AUH: variants seen among roughly 807,000 people sequenced by gnomAD.
AUH encodes methylglutaconyl-CoA hydratase, mitochondrial.
A neutral mutation model predicts 42.3 loss-of-function variants in AUH; 29 were observed. The observed-to-expected ratio is 0.69, with a 90% CI of 0.51 to 0.93. The LOEUF (loss-of-function observed/expected upper bound fraction) is 0.93. Ranked by LOEUF, AUH falls within the 40% of genes least tolerant of loss-of-function variation. The pLI, the probability that AUH is intolerant of heterozygous loss-of-function variation, is 0.00. For synonymous variants in AUH, 174 were observed against 166.4 expected (o/e 1.05, Z -0.35); for missense variants, 452 against 438.1 (o/e 1.03, Z -0.28).
At chr9:91,253,923 G>A (rs1417935291) in intron 6 of AUH, among the ~76,000 whole-genome samples, 1 of 152,186 alleles carries the variant, frequency 6.6e-6, no homozygotes, top group Non-Finnish European at 1.5e-5. Flanking sequence ...CTATAAATAT[G>A]TTGTGAAAAA....
At chr9:91,244,952 A>AGTG (rs1828714868) in intron 6 of AUH, among the ~76,000 whole-genome samples, 1 of 152,252 alleles carries the variant, frequency 6.6e-6, no homozygotes, top group Non-Finnish European at 1.5e-5. Flanking sequence ...CTGAAAACAA[A>AGTG]ATATGCATTG....
chr9:91,358,273 G>A (rs1331362950), intron 1 of AUH, among the ~76,000 whole-genome samples: 1 of 152,164 alleles, frequency 6.6e-6, no homozygotes, highest in African/African-American at 2.4e-5. Flanking sequence ...GGGTGGAGGG[G>A]AGTAAAGCTC....
At chr9:91,244,317 CA>C (rs1234247254) in intron 6 of AUH, among the ~76,000 whole-genome samples, 5 of 152,198 alleles carry the variant, frequency 3.3e-5, no homozygotes, top group Admixed American at 3.3e-4. Flanking sequence ...GTTAAAATAA[CA>C]TTGGCCAAAG....
intron 4 of AUH, among the ~76,000 whole-genome samples, chr9:91,318,279 T>C (rs1375406026): frequency 6.6e-6 from 1 of 152,238 alleles, no homozygotes; most frequent in Non-Finnish European, 1.5e-5. Flanking sequence ...TCAGTGATTA[T>C]ATGACTGTAA....
At chr9:91,219,847 AT>A (rs1345711015) in intron 7 of AUH, among the ~76,000 whole-genome samples, 2 of 152,364 alleles carry the variant, frequency 1.3e-5, no homozygotes, top group African/African-American at 4.8e-5. Context: ...GCATTCATGC[AT>A]TTTTAAAAAG....
At chr9:91,227,127 G>C in intron 6 of AUH, among the ~76,000 whole-genome samples, 1 of 150,328 alleles carries the variant, frequency 6.7e-6, no homozygotes, top group South Asian at 2.1e-4. Context: ...CATTGAATCT[G>C]TAAATTACCT....
At chr9:91,357,981 A>C (rs192256270) in intron 1 of AUH, among the ~76,000 whole-genome samples, 15 of 152,336 alleles carry the variant, frequency 9.8e-5, no homozygotes, top group Middle Eastern at 3.4e-3. Flanking sequence ...TAGTTTCTAT[A>C]CTTGGAGATC....
intron 3 of AUH, among the ~76,000 whole-genome samples, chr9:91,336,224 C>T (rs1167909008): frequency 6.6e-6 from 1 of 152,126 alleles, no homozygotes; most frequent in Non-Finnish European, 1.5e-5. Flanking sequence ...TATATACACA[C>T]ACATACATAC....
intron 3 of AUH, among the ~76,000 whole-genome samples, chr9:91,332,949 G>GCT (rs1564110439): frequency 6.8e-6 from 1 of 146,374 alleles, no homozygotes; most frequent in African/African-American, 2.7e-5. Context: ...TGCGGTTCTC[G>GCT]CTCTCTTATC....
chr9:91,285,102 T>A (rs1179636615), intron 6 of AUH, among the ~76,000 whole-genome samples: 1 of 152,058 alleles, frequency 6.6e-6, no homozygotes, highest in East Asian at 1.9e-4. Flanking sequence ...AAATGTGGCA[T>A]ATACACACCA....
At chr9:91,293,688 C>G (rs369711921) in intron 6 of AUH, among the ~76,000 whole-genome samples, 3 of 152,330 alleles carry the variant, frequency 2.0e-5, no homozygotes, top group Non-Finnish European at 1.5e-5. Context: ...TGAAGCAGCA[C>G]GTGCTGATGT....
At chr9:91,319,450 C>T (rs1462138160) in intron 4 of AUH, among the ~76,000 whole-genome samples, 1 of 152,164 alleles carries the variant, frequency 6.6e-6, no homozygotes, top group African/African-American at 2.4e-5. Context: ...AATTGTCAGG[C>T]GGCTGTTAAC....
chr9:91,340,617 AATACTTCTCAAACTAT>A, intron 3 of AUH, among the ~76,000 whole-genome samples: 2 of 152,200 alleles, frequency 1.3e-5, no homozygotes, highest in South Asian at 4.1e-4. Context: ...CACTGAACAA[AATACTTCTCAAACTAT>A]GAGTTGTACA....
intron 4 of AUH, among the ~76,000 whole-genome samples, chr9:91,299,466 C>T (rs139931918): frequency 4.3e-4 from 66 of 151,946 alleles, no homozygotes; most frequent in African/African-American, 1.5e-3. Context: ...GAAGAGCAGG[C>T]GTGGAAGGGG....
In AUH at chr9:91,228,825, T is replaced by C. The variant is rs983015274; in HGVS notation, c.656-7833A>G. ...TTTCGTTATGTACCCAGTAGTCATTTAGGAGCAGGTTGTTCAGTTTCCATG... is the reference window on the plus strand; with the variant it reads ...TTTCGTTATGTACCCAGTAGTCATTCAGGAGCAGGTTGTTCAGTTTCCATG... On this transcript the variant is annotated intron_variant, in intron 6 of 9. Transcript: ENST00000375731. Among the ~76,000 whole-genome samples the C allele has an allele frequency of 1.7e-4, 26 of 152,322 alleles. No homozygotes were observed. The East Asian group carries it at 3.5e-3, about 20-fold the overall frequency.
chr9:91,357,275 AG>A (rs1396930862), intron 1 of AUH, among the ~76,000 whole-genome samples: 1 of 152,234 alleles, frequency 6.6e-6, no homozygotes. Flanking sequence ...CCACAACCCA[AG>A]AGGTGGGCAC....
chr9:91,276,714 G>A (rs1235894620), intron 6 of AUH, among the ~76,000 whole-genome samples: 1 of 152,058 alleles, frequency 6.6e-6, no homozygotes, highest in African/African-American at 2.4e-5. Flanking sequence ...CATAAACACT[G>A]AACTTACAAC....
At chr9:91,247,392 TCTCCCA>T (rs1828859000) in intron 6 of AUH, among the ~76,000 whole-genome samples, 1 of 152,112 alleles carries the variant, frequency 6.6e-6, no homozygotes, top group African/African-American at 2.4e-5. Context: ...CTCTCCTGTC[TCTCCCA>T]CTCCCACTGG....
At chr9:91,274,770 A>C (rs1825415833) in intron 6 of AUH, among the ~76,000 whole-genome samples, 1 of 152,202 alleles carries the variant, frequency 6.6e-6, no homozygotes, top group African/African-American at 2.4e-5. Context: ...ATAAAATTAA[A>C]GCATAGAAAA....
Sources: allele counts gnomAD v4.1 joint callset (sites outside exome capture counted in the v4.1 genomes callset), GRCh38; gene constraint gnomAD v4.1.1; transcripts MANE v1.5; gene names NCBI Gene and HGNC (gene_info 2026-07-23, HGNC 2026-07-21).